Variants in POC1B observed in about 807,000 individuals in gnomAD.
The protein encoded by POC1B is POC1 centriolar protein B, also known as POC1 centriolar protein homolog B.
A neutral mutation model predicts 60.6 loss-of-function variants in POC1B; 44 were observed. That is an observed-to-expected ratio of 0.73 (90% CI 0.57 to 0.93). POC1B has a LOEUF of 0.93. Among genes scored for constraint, POC1B ranks in the 40% least tolerant of loss-of-function variants. The probability of loss-of-function intolerance (pLI) is 0.00; values close to 1 mark genes in which losing one functional copy is unlikely to be tolerated. For missense variants in POC1B, 555 were observed against 572.3 expected, an observed-to-expected ratio of 0.97 and a Z score of 0.31; for synonymous variants, 180 against 198.9, an observed-to-expected ratio of 0.90 and a Z score of 0.80.
chr12:89,470,575 G>A (rs1341026056), intron 6 of POC1B, 81 bp from the exon 7 acceptor site: 1 of 1,204,986 alleles, frequency 8.3e-7, no homozygotes, highest in South Asian at 2.1e-5. Flanking sequence ...ATTAGCAATA[G>A]GTTGTAAACA....
chr12:89,457,452 G>A (rs866733666), intron 10 of POC1B, among the ~76,000 whole-genome samples: 5 of 152,284 alleles, frequency 3.3e-5, no homozygotes, highest in South Asian at 2.1e-4. Flanking sequence ...ACTACTTTAT[G>A]AGAATCTATG....
intron 9 of POC1B, chr12:89,460,680 G>A (rs1165716222): frequency 1.3e-5 from 2 of 152,174 alleles, no homozygotes; most frequent in Non-Finnish European, 2.9e-5. Context: ...GAATTCATAT[G>A]TATGAATCTC....
At chr12:89,512,096 A>G (rs1216262501) in intron 2 of POC1B, among the ~76,000 whole-genome samples, 1 of 152,202 alleles carries the variant, frequency 6.6e-6, no homozygotes, top group Non-Finnish European at 1.5e-5. Flanking sequence ...AGGGTTGTAC[A>G]ATAAAAAGAC....
intron 4 of POC1B, among the ~76,000 whole-genome samples, chr12:89,482,645 A>G (rs1197691068): frequency 1.3e-5 from 2 of 152,212 alleles, no homozygotes; most frequent in African/African-American, 4.8e-5. Flanking sequence ...GCAAACTAAA[A>G]GACAATAGAA....
chr12:89,445,548 A>T (rs1312761510), intron 10 of POC1B, among the ~76,000 whole-genome samples: 1 of 152,260 alleles, frequency 6.6e-6, no homozygotes, highest in East Asian at 1.9e-4. Flanking sequence ...AAAACTGGCT[A>T]GCCATATGTA....
At chr12:89,500,537 G>C (rs1869504650) in intron 2 of POC1B, 1 of 1,607,176 alleles carries the variant, frequency 6.2e-7, no homozygotes, top group Non-Finnish European at 8.5e-7. Context: ...CAGTGAAGCT[G>C]ATGAAGAATT....
intron 10 of POC1B, among the ~76,000 whole-genome samples, chr12:89,431,136 G>C (rs1423833084): frequency 6.6e-6 from 1 of 151,852 alleles, no homozygotes; most frequent in Non-Finnish European, 1.5e-5. Flanking sequence ...CACATGTAAA[G>C]ATAATCAGTG....
intron 10 of POC1B, among the ~76,000 whole-genome samples, chr12:89,435,470 C>T (rs1881217524): frequency 1.3e-5 from 2 of 152,118 alleles, no homozygotes; most frequent in Admixed American, 6.5e-5. Context: ...CGTGAACCAC[C>T]GTGCCCAGCC....
chr12:89,421,394 CCAG>C, intron 11 of POC1B, 137 bp from the exon 12 acceptor site: 1 of 627,762 alleles, frequency 1.6e-6, no homozygotes. Context: ...AAAATGAGCC[CCAG>C]AACTTGCTGT....
rs1349050899 is a variant in POC1B, at chr12:89,459,681, G to A, written c.1070C>T (p.Ser357Phe). 1.4e-5 allele frequency: 22 copies of A among 1,535,158 alleles called. No homozygotes were observed. The highest frequency in any genetic ancestry group is 1.9e-5 in the Non-Finnish European group (22 of 1,140,590). Residue 357 changes from serine (S) to phenylalanine (F), a missense_variant, in exon 10 of 12, where the codon TCT becomes TTT. Transcript: ENST00000313546. ...PKLEVIDLQI[S>F]TPPVMDILSF... is the part of the protein sequence containing the mutation. ...AAGGATATCCATAACAGGGGGAGTA[G>A]AGATCTGCAAATCGATTACCTCAAG...
chr12:89,523,517 C>T (rs1178273799), intron 2 of POC1B: 1 of 1,608,612 alleles, frequency 6.2e-7, no homozygotes, highest in Non-Finnish European at 8.5e-7. Context: ...CACTGCCACA[C>T]CCTAAAAGAC....
chr12:89,411,776 A>G, the POC1B span, among the ~76,000 whole-genome samples: 1 of 152,238 alleles, frequency 6.6e-6, no homozygotes, highest in Non-Finnish European at 1.5e-5. Flanking sequence ...AAAGCGGTGA[A>G]GAAGGGGGAT....
intron 10 of POC1B, among the ~76,000 whole-genome samples, chr12:89,458,779 C>T (rs1041660038): frequency 2.6e-5 from 4 of 152,142 alleles, no homozygotes; most frequent in South Asian, 2.1e-4. Flanking sequence ...GCAGTAGTGT[C>T]GTCAAAGACC....
chr12:89,484,110 T>C (rs1226686372), intron 4 of POC1B, among the ~76,000 whole-genome samples: 2 of 152,150 alleles, frequency 1.3e-5, no homozygotes, highest in Non-Finnish European at 2.9e-5. Context: ...TTGTAATCTC[T>C]AGAGGTTACC....
intron 10 of POC1B, among the ~76,000 whole-genome samples, chr12:89,440,336 C>T (rs4842653): frequency 0.19 from 29,399 of 152,096 alleles, 3,259 homozygotes; most frequent in South Asian, 0.36. Context: ...AGCTAGTTGG[C>T]CCCAGTCTCC....
At chr12:89,436,737 A>C (rs535029508) in intron 10 of POC1B, among the ~76,000 whole-genome samples, 56 of 152,072 alleles carry the variant, frequency 3.7e-4, no homozygotes, top group East Asian at 1.7e-3. Flanking sequence ...CCAAAAAAAA[A>C]CCCAAAAAAC....
At chr12:89,403,976 T>C in the POC1B span, among the ~76,000 whole-genome samples, 1 of 151,980 alleles carries the variant, frequency 6.6e-6, no homozygotes, top group African/African-American at 2.4e-5. Flanking sequence ...CTACTAAAAA[T>C]ACAAAATTAG....
intron 4 of POC1B, among the ~76,000 whole-genome samples, chr12:89,478,455 C>T (rs1400212201): frequency 6.6e-6 from 1 of 152,092 alleles, no homozygotes; most frequent in Non-Finnish European, 1.5e-5. Context: ...TCCACGCTGG[C>T]TTCCCTAATA....
chr12:89,467,171 C>CT (rs559083194), intron 8 of POC1B, among the ~76,000 whole-genome samples: 2 of 150,822 alleles, frequency 1.3e-5, no homozygotes, highest in Non-Finnish European at 3.0e-5. Context: ...TTAAAATCCT[C>CT]TTTTTTTTTG....
Sources: gnomAD v4.1 joint callset for allele counts (sites outside exome capture counted in the v4.1 genomes callset) on GRCh38, gnomAD v4.1.1 for gene constraint, MANE v1.5 for transcripts, NCBI Gene and HGNC (gene_info 2026-07-23, HGNC 2026-07-21) for gene names.